PRDM6: variants seen among roughly 807,000 people sequenced by gnomAD.
PRDM6 encodes the protein PR/SET domain 6.
Under a neutral mutation model 60.8 loss-of-function variants are expected in PRDM6, and 25 were observed. That is an observed-to-expected ratio of 0.41 (90% CI 0.30 to 0.57). PRDM6 has a LOEUF of 0.57. PRDM6 is among the 20% of genes least tolerant of loss of function. The pLI is 0.27. For synonymous variants in PRDM6, 407 were observed against 357.4 expected (o/e 1.14, Z -1.57); for missense variants, 839 against 821.3 (o/e 1.02, Z -0.26).
intron 3 of PRDM6, among the ~76,000 whole-genome samples, chr5:123,124,464 A>G (rs2150219647): frequency 6.6e-6 from 1 of 152,332 alleles, no homozygotes; most frequent in South Asian, 2.1e-4. Flanking sequence ...CAAAAATATT[A>G]TTGCTCCATT....
chr5:123,158,681 A>T (rs530659906), intron 4 of PRDM6, among the ~76,000 whole-genome samples: 6 of 152,300 alleles, frequency 3.9e-5, no homozygotes, highest in South Asian at 2.1e-4. Context: ...TATACAAGGA[A>T]CAAATTGCCC....
At chr5:123,156,480 C>A (rs1442757998) in intron 4 of PRDM6, among the ~76,000 whole-genome samples, 2 of 152,180 alleles carry the variant, frequency 1.3e-5, no homozygotes, top group Non-Finnish European at 2.9e-5. Flanking sequence ...CCCAAGGATA[C>A]CTTTCCAAAA....
At chr5:123,104,419 A>G (rs1418661968) in intron 3 of PRDM6, among the ~76,000 whole-genome samples, 1 of 152,144 alleles carries the variant, frequency 6.6e-6, no homozygotes, top group Non-Finnish European at 1.5e-5. Context: ...TTAAATTAGA[A>G]TCACTTAAAA....
chr5:123,138,969 G>C (rs1261463774), intron 3 of PRDM6, among the ~76,000 whole-genome samples: 1 of 152,152 alleles, frequency 6.6e-6, no homozygotes, highest in East Asian at 1.9e-4. Context: ...CATGGGGGTG[G>C]TTCCCCCATG....
At chr5:123,161,486 G>A (rs911727222) in intron 5 of PRDM6, among the ~76,000 whole-genome samples, 9 of 152,186 alleles carry the variant, frequency 5.9e-5, no homozygotes, top group African/African-American at 1.9e-4. Context: ...GTTTCAGAGA[G>A]TGAACAGGGT....
At chr5:123,181,555 C>G (rs1766162040) in intron 7 of PRDM6, among the ~76,000 whole-genome samples, 1 of 152,140 alleles carries the variant, frequency 6.6e-6, no homozygotes, top group Non-Finnish European at 1.5e-5. Context: ...TTCAGTTCAA[C>G]CCTCTTACAG....
intron 3 of PRDM6, among the ~76,000 whole-genome samples, chr5:123,124,201 A>G (rs757053102): frequency 2.0e-5 from 3 of 152,148 alleles, no homozygotes; most frequent in Non-Finnish European, 4.4e-5. Flanking sequence ...CTCTGCATAT[A>G]TGACTGTTTA....
Position 123,092,380 on chromosome 5 carries a change from G to A in PRDM6, c.592+1774G>A, listed in dbSNP as rs561548152. 2.6e-5 allele frequency among the ~76,000 whole-genome samples: 4 copies of A among 152,268 alleles called. No homozygotes were observed. The East Asian group carries it at 7.7e-4, about 29-fold the overall frequency. ...AATTTCACTTCTGAATTAAATATAT[G>A]CTAGAGAAGTCACCAGCAGTACACC... On this transcript the variant is annotated intron_variant, in intron 2 of 7. Transcript: ENST00000407847.
At chr5:123,125,300 CTGTT>C (rs1220690216) in intron 3 of PRDM6, among the ~76,000 whole-genome samples, 4 of 152,096 alleles carry the variant, frequency 2.6e-5, no homozygotes, top group East Asian at 1.9e-4. Context: ...GACTCATAGT[CTGTT>C]TGTTGTGTTG....
chr5:123,143,473 A>T (rs1452738302), intron 3 of PRDM6, among the ~76,000 whole-genome samples: 1 of 152,156 alleles, frequency 6.6e-6, no homozygotes, highest in Non-Finnish European at 1.5e-5. Context: ...TTGGGGTCTG[A>T]TGTGAGCCAT....
intron 3 of PRDM6, among the ~76,000 whole-genome samples, chr5:123,131,598 T>C (rs1764836484): frequency 6.6e-6 from 1 of 152,220 alleles, no homozygotes; most frequent in East Asian, 1.9e-4. Flanking sequence ...GGTGTAATTA[T>C]TTCCATTTAC....
At chr5:123,118,909 T>C (rs2150216709) in intron 3 of PRDM6, among the ~76,000 whole-genome samples, 1 of 152,080 alleles carries the variant, frequency 6.6e-6, no homozygotes, top group Non-Finnish European at 1.5e-5. Context: ...GTGTCTTAGG[T>C]TTTGAGACAA....
chr5:123,142,983 G>A (rs1335497433), intron 3 of PRDM6, among the ~76,000 whole-genome samples: 7 of 149,404 alleles, frequency 4.7e-5, no homozygotes, highest in African/African-American at 1.5e-4. Flanking sequence ...GTGAGATCAC[G>A]TACTTCAGAG....
In PRDM6 at chr5:123,151,132, T is replaced by C. The variant is rs183233888; in HGVS notation, c.901-4752T>C. Among the ~76,000 whole-genome samples, 112 of 152,268 alleles carry C rather than the reference T, an allele frequency of 7.4e-4. 1 individual carries two copies. The highest frequency in any genetic ancestry group is 1.3e-3 in the Non-Finnish European group (86 of 68,024). ...TAGATGTATGGGCATAAAATATGCT[T>C]CCTCACCTCAGCTGCTTGGCGAAAA... is the stretch of plus-strand genomic sequence containing the variant. On this transcript the variant is annotated intron_variant, in intron 3 of 7. Transcript: ENST00000407847.
intron 3 of PRDM6, among the ~76,000 whole-genome samples, chr5:123,143,453 CTTCTT>C (rs926388468): frequency 1.2e-4 from 18 of 152,290 alleles, no homozygotes; most frequent in African/African-American, 4.1e-4. Context: ...AACTAGGTGC[CTTCTT>C]TTCTTTGGGG....
chr5:123,089,666 G>C (rs1360303766), intron 1 of PRDM6, 147 bp downstream of exon 1: 4 of 243,162 alleles, frequency 1.6e-5, no homozygotes, highest in Non-Finnish European at 2.4e-5. Flanking sequence ...ACGCCGGCTC[G>C]GGTCGGCTCC....
At chr5:123,119,984 T>A (rs2150217242) in intron 3 of PRDM6, among the ~76,000 whole-genome samples, 1 of 152,304 alleles carries the variant, frequency 6.6e-6, no homozygotes, top group Admixed American at 6.5e-5. Flanking sequence ...ATTTTTTCAT[T>A]CCATTAAAAA....
chr5:123,170,408 C>G (rs1402287128), intron 5 of PRDM6, among the ~76,000 whole-genome samples: 1 of 152,202 alleles, frequency 6.6e-6, no homozygotes, highest in Admixed American at 6.5e-5. Context: ...GGCAACATCC[C>G]CTGCTCACTC....
In PRDM6 at chr5:123,090,598, C is replaced by T; in HGVS notation, c.584C>T (p.Pro195Leu). ...IIPLNQHTSD[P>L]NNRCDMCADN... ...CCGCTCAACCAGCACACCAGCGACC[C>T]CAACAACCGTACGTAGCCGCAGCCC... is the stretch of plus-strand genomic sequence containing the variant. The change falls in exon 2 of 8, where the codon CCC (proline) becomes CTC (leucine). Residue 195 changes from proline to leucine, a missense_variant. Around this residue, in one of 2 missense-constraint regions of PRDM6, gnomAD observed 730 missense variants for 648.8 expected, o/e 1.13. Coordinates refer to ENST00000407847, the MANE Select transcript of PRDM6 (RefSeq NM_001136239.4). The T allele has an allele frequency of 6.6e-7, 1 of 1,522,792 alleles. No homozygotes were observed. The highest frequency in any genetic ancestry group is 1.2e-5 in the South Asian group (1 of 83,346). The allele number at this position is 1,522,792 out of a possible 1,614,324, so 94.3% of individuals were successfully genotyped here. A position where few individuals can be genotyped will look rare whatever the true frequency, so the allele number is the denominator to read the frequency against.
Sources: allele counts gnomAD v4.1 joint callset (sites outside exome capture counted in the v4.1 genomes callset), GRCh38; gene constraint gnomAD v4.1.1; regional missense constraint gnomAD v4.1.1; transcripts MANE v1.5; gene names NCBI Gene and HGNC (gene_info 2026-07-23, HGNC 2026-07-21).